The following ATP2B2 variants were observed in gnomAD, a reference collection of about 807,000 sequenced individuals.
ATP2B2 encodes the protein ATPase plasma membrane Ca2+ transporting 2.
ATP2B2 carries 15 observed loss-of-function variants against 120.0 expected under a neutral mutation model. That is an observed-to-expected ratio of 0.12 (90% CI 0.08 to 0.19). The LOEUF is 0.19. Ranked by LOEUF, ATP2B2 falls within the 10% of genes least tolerant of loss-of-function variation. ATP2B2 has a pLI of 1.00. For synonymous variants in ATP2B2, 694 were observed against 700.3 expected (o/e 0.99, Z 0.14); for missense variants, 1,045 against 1,719.8 (o/e 0.61, Z 6.94).
Position 10,647,104 on chromosome 3 carries a change from C to T in ATP2B2, c.-459-27143G>A, listed in dbSNP as rs577316072. On this transcript the variant is annotated intron_variant, in intron 1 of 21. Coordinates refer to the ATP2B2 transcript ENST00000646379. ...GGGGGTAGGGGGAATGGGGGCAGCC[C>T]CTTCTGCAGTACAACGATTTGGGAA... Among the ~76,000 whole-genome samples the T allele has an allele frequency of 3.9e-5, 6 of 152,260 alleles. No homozygotes were observed. In the South Asian group the frequency reaches 1.2e-3, roughly 32 times the overall value.
chr3:10,647,633 C>T (rs913319555), intron 1 of ATP2B2, among the ~76,000 whole-genome samples: 4 of 152,144 alleles, frequency 2.6e-5, no homozygotes, highest in South Asian at 2.1e-4. Flanking sequence ...GGCGAGCAGC[C>T]GATGGAGAGC....
chr3:10,516,609 A>G (rs1414922011), intron 3 of ATP2B2, among the ~76,000 whole-genome samples: 2 of 152,166 alleles, frequency 1.3e-5, no homozygotes, highest in African/African-American at 4.8e-5. Flanking sequence ...CTTCAGCCCC[A>G]GCCAGGGGAC....
chr3:10,581,086 G>T (rs1369810695), intron 2 of ATP2B2, among the ~76,000 whole-genome samples: 1 of 152,178 alleles, frequency 6.6e-6, no homozygotes, highest in African/African-American at 2.4e-5. Flanking sequence ...CCATTTTATG[G>T]ATGTGGAAAT....
chr3:10,702,581 T>A (rs2071834757), intron 1 of ATP2B2, among the ~76,000 whole-genome samples: 1 of 152,230 alleles, frequency 6.6e-6, no homozygotes, highest in Non-Finnish European at 1.5e-5. Context: ...TGCTGATGTT[T>A]GTCTTTGCAC....
intron 1 of ATP2B2, among the ~76,000 whole-genome samples, chr3:10,645,898 A>T (rs1414300863): frequency 6.6e-6 from 1 of 152,142 alleles, no homozygotes; most frequent in Non-Finnish European, 1.5e-5. Context: ...GTGACAGAAG[A>T]CCTGTGGCAT....
chr3:10,615,938 TTCTGGGTCTC>T (rs1460550041), intron 2 of ATP2B2, among the ~76,000 whole-genome samples: 1 of 152,116 alleles, frequency 6.6e-6, no homozygotes, highest in Non-Finnish European at 1.5e-5. Flanking sequence ...GTACTGTTGC[TTCTGGGTCTC>T]GCTGGGAAGG....
Position 10,402,376 on chromosome 3 carries a change from G to A in ATP2B2, c.398-28C>T. 6.2e-7 allele frequency: 1 copy of A among 1,610,694 alleles called. No homozygotes were observed. The highest frequency in any genetic ancestry group is 8.5e-7 in the Non-Finnish European group (1 of 1,180,028). On this transcript the variant is annotated intron_variant, in intron 3 of 22. Transcript: ENST00000360273. The surrounding 1 kb of genome is among the most constrained non-coding windows in gnomAD (Gnocchi z 4.9). ...GAAAGACCAGATAGAAGCAGGCAGA[G>A]TGAGGTCAACCAGACAGGAGAGGCC...
intron 12 of ATP2B2, among the ~76,000 whole-genome samples, chr3:10,369,167 C>A (rs1273452766): frequency 6.6e-6 from 1 of 152,166 alleles, no homozygotes; most frequent in Non-Finnish European, 1.5e-5. Context: ...CCCTTCCTGC[C>A]CTGTCTCCTC....
At chr3:10,331,644 G>A (rs1422468013) in intron 22 of ATP2B2, among the ~76,000 whole-genome samples, 1 of 132,580 alleles carries the variant, frequency 7.5e-6, no homozygotes, top group East Asian at 2.4e-4. Context: ...AGGCTGAAAT[G>A]GAAAAAACTA....
intron 2 of ATP2B2, among the ~76,000 whole-genome samples, chr3:10,584,050 C>T (rs147623460): frequency 1.5e-3 from 231 of 152,302 alleles, no homozygotes; most frequent in Non-Finnish European, 2.5e-3. Context: ...CCGCTGCCCT[C>T]CTGCAAGGGA....
intron 1 of ATP2B2, among the ~76,000 whole-genome samples, chr3:10,642,297 G>A (rs910289734): frequency 2.0e-5 from 3 of 152,194 alleles, no homozygotes; most frequent in Non-Finnish European, 2.9e-5. Context: ...AGTACCTGGC[G>A]TGTTGCAAGT....
chr3:10,359,327 T>A (rs935262191), intron 13 of ATP2B2, among the ~76,000 whole-genome samples: 33 of 152,050 alleles, frequency 2.2e-4, no homozygotes, highest in African/African-American at 8.0e-4. Flanking sequence ...AATCCAGGAA[T>A]CAATGTTTTT....
chr3:10,533,839 C>T (rs1348999836), intron 3 of ATP2B2, among the ~76,000 whole-genome samples: 2 of 152,206 alleles, frequency 1.3e-5, no homozygotes, highest in Non-Finnish European at 2.9e-5. Context: ...AATTCAAATG[C>T]CATAGGGCTT....
chr3:10,472,507 C>T (rs556097946), intron 1 of ATP2B2, among the ~76,000 whole-genome samples: 1 of 152,326 alleles, frequency 6.6e-6, no homozygotes, highest in Admixed American at 6.5e-5. Flanking sequence ...GGGCTGTCCG[C>T]CCTCGGATTC....
chr3:10,665,996 G>A (rs1241874804), intron 1 of ATP2B2, among the ~76,000 whole-genome samples: 1 of 152,200 alleles, frequency 6.6e-6, no homozygotes, highest in Non-Finnish European at 1.5e-5. Flanking sequence ...CATAGGGAAA[G>A]AAAGCAAGAG....
intron 1 of ATP2B2, among the ~76,000 whole-genome samples, chr3:10,484,629 TCCCTG>T: frequency 6.6e-6 from 1 of 152,254 alleles, no homozygotes. Context: ...CCCAGCCCTG[TCCCTG>T]CCCTGCCTCA....
intron 1 of ATP2B2, among the ~76,000 whole-genome samples, chr3:10,692,815 T>C (rs1285628075): frequency 7.1e-6 from 1 of 140,174 alleles, no homozygotes; most frequent in African/African-American, 2.7e-5. Context: ...GGGGACAGAA[T>C]GAGCCAGGAG....
At chr3:10,472,553 G>C (rs34877) in intron 1 of ATP2B2, among the ~76,000 whole-genome samples, 116,408 of 152,126 alleles carry the variant, frequency 0.77, 44,824 homozygotes, top group Non-Finnish European at 0.79. Context: ...AAAACACACC[G>C]CTCTTCTCTT....
chr3:10,623,892 T>G (rs1443894300), intron 1 of ATP2B2, among the ~76,000 whole-genome samples: 2 of 152,262 alleles, frequency 1.3e-5, no homozygotes, highest in East Asian at 3.9e-4. Flanking sequence ...AAGCCTTGGG[T>G]TCTAATTCCA....
Sources: gnomAD v4.1 joint callset for allele counts (sites outside exome capture counted in the v4.1 genomes callset) on GRCh38, gnomAD v4.1.1 for gene constraint, Gnocchi (gnomAD v3.1) non-coding constraint, MANE v1.5 for transcripts, NCBI Gene and HGNC (gene_info 2026-07-23, HGNC 2026-07-21) for gene names.